Variants in LRBA observed in about 807,000 individuals in gnomAD.
LRBA encodes lipopolysaccharide-responsive and beige-like anchor protein.
A neutral mutation model predicts 330.0 loss-of-function variants in LRBA; 176 were observed. The observed-to-expected ratio is 0.53, with a 90% confidence interval of 0.47 to 0.60. The LOEUF (loss-of-function observed/expected upper bound fraction) is 0.60, where lower values mean the gene tolerates loss of function less well. LRBA is among the 20% of genes least tolerant of loss of function. LRBA has a pLI of 0.00. For synonymous variants in LRBA, 1,230 were observed against 1,193.0 expected (o/e 1.03, Z -0.64); for missense variants, 3,259 against 3,444.8 (o/e 0.95, Z 1.35).
chr4:150,481,157 C>T (rs1757253945), intron 42 of LRBA, among the ~76,000 whole-genome samples: 1 of 152,144 alleles, frequency 6.6e-6, no homozygotes, highest in Admixed American at 6.6e-5. Context: ...CATGCTGCCA[C>T]CAATGACAAG....
At position 150,289,138 on chromosome 4, in the gene LRBA, C is replaced by T. The variant is rs563746934; in HGVS notation, c.8018-3104G>A. Reference sequence around the variant, plus strand: ...ACAAAGTTAAGAGTTTAGGAAGCCTCGTGATTAACTCCAGAAGGTGGGTTA... The same window carrying T: ...ACAAAGTTAAGAGTTTAGGAAGCCTTGTGATTAACTCCAGAAGGTGGGTTA... On this transcript the variant is annotated intron_variant, in intron 53 of 56. Coordinates refer to ENST00000651943, the MANE Select transcript of LRBA (RefSeq NM_001364905.1). 3.9e-5 allele frequency among the ~76,000 whole-genome samples: 6 copies of T among 152,166 alleles called. No individual in the cohort carries two copies. The East Asian group carries it at 5.8e-4, about 15-fold the overall frequency.
chr4:150,437,150 C>A (rs1269242675), intron 44 of LRBA, among the ~76,000 whole-genome samples: 1 of 152,002 alleles, frequency 6.6e-6, no homozygotes, highest in Non-Finnish European at 1.5e-5. Context: ...CAGATAAAGA[C>A]AATTACATGA....
At chr4:150,939,946 C>G (rs898939817) in intron 2 of LRBA, among the ~76,000 whole-genome samples, 1 of 152,104 alleles carries the variant, frequency 6.6e-6, no homozygotes, top group African/African-American at 2.4e-5. Context: ...AGGTAACACA[C>G]TGAACTTATA....
At chr4:150,601,147 T>C (rs1209669581) in intron 37 of LRBA, among the ~76,000 whole-genome samples, 1 of 152,210 alleles carries the variant, frequency 6.6e-6, no homozygotes, top group African/African-American at 2.4e-5. Flanking sequence ...TTTTCTGCCA[T>C]CTATCCTTCT....
chr4:150,790,395 T>G (rs970303064), intron 34 of LRBA, among the ~76,000 whole-genome samples: 3 of 152,178 alleles, frequency 2.0e-5, no homozygotes, highest in African/African-American at 7.2e-5. Context: ...TAAATCAATA[T>G]TATGGAAACT....
chr4:150,976,287 C>A (rs1740167656), intron 2 of LRBA, among the ~76,000 whole-genome samples: 1 of 151,866 alleles, frequency 6.6e-6, no homozygotes. Context: ...TCTAATATAG[C>A]CTCACCATAA....
intron 36 of LRBA, among the ~76,000 whole-genome samples, chr4:150,686,136 A>G (rs958131061): frequency 6.6e-5 from 10 of 152,212 alleles, no homozygotes; most frequent in Non-Finnish European, 1.5e-4. Flanking sequence ...CTCATCTGCA[A>G]AATTAGCAGG....
At position 150,777,722 on chromosome 4, in the gene LRBA, G is replaced by A. The variant is rs528520087; in HGVS notation, c.5581-15875C>T. Among the ~76,000 whole-genome samples, 6 of 152,104 alleles carry A rather than the reference G, an allele frequency of 3.9e-5. No homozygotes were observed. In the South Asian group the frequency reaches 1.2e-3, roughly 32 times the overall value. ...TGGCCAGGTGCAGTGGCTCCCATCT[G>A]TAATCCCAGCACTCTGGGAGGCCAA... On this transcript the variant is annotated intron_variant, in intron 34 of 56. Transcript: ENST00000651943.
At chr4:150,504,324 T>C (rs1290265037) in intron 40 of LRBA, among the ~76,000 whole-genome samples, 1 of 151,942 alleles carries the variant, frequency 6.6e-6, no homozygotes, top group African/African-American at 2.4e-5. Context: ...AGGAAAAAAA[T>C]GTTAAATGCA....
At chr4:150,969,530 C>G (rs1200016851) in intron 2 of LRBA, among the ~76,000 whole-genome samples, 2 of 152,152 alleles carry the variant, frequency 1.3e-5, no homozygotes, top group African/African-American at 2.4e-5. Context: ...TGCAGTGGTG[C>G]AATCACAACT....
intron 35 of LRBA, among the ~76,000 whole-genome samples, chr4:150,736,494 C>G (rs1442544464): frequency 6.6e-6 from 1 of 151,574 alleles, no homozygotes; most frequent in African/African-American, 2.4e-5. Context: ...GGTTATTAAG[C>G]TCAGCCAAAA....
chr4:150,932,283 A>G (rs1379135083), intron 2 of LRBA, among the ~76,000 whole-genome samples: 2 of 151,892 alleles, frequency 1.3e-5, no homozygotes, highest in Non-Finnish European at 2.9e-5. Context: ...TTTGCAACCC[A>G]TATCATTACA....
chr4:150,423,282 G>A lies in LRBA; in HGVS notation c.7042-7692C>T, dbSNP rs1286402506. On this transcript the variant is annotated intron_variant, in intron 46 of 56. Coordinates refer to ENST00000651943, the MANE Select transcript of LRBA (RefSeq NM_001364905.1). ...GCCTCCCAGCATCTCCTGTAGGGGT[G>A]TCTCCCTTCAAACATTCCTAATCAT... 12 of 880,660 alleles carry A rather than the reference G, an allele frequency of 1.4e-5. No homozygotes were observed. In the South Asian group the frequency reaches 1.6e-4, roughly 12 times the overall value. The allele number at this position is 880,660 out of a possible 1,614,324, so 54.6% of individuals were successfully genotyped here.
chr4:150,363,411 CATA>C, intron 47 of LRBA, among the ~76,000 whole-genome samples: 1 of 152,248 alleles, frequency 6.6e-6, no homozygotes, highest in Non-Finnish European at 1.5e-5. Context: ...TCTCTCTACA[CATA>C]ATGTTAAATG....
chr4:150,785,344 G>A (rs557099137), intron 34 of LRBA, among the ~76,000 whole-genome samples: 7 of 152,160 alleles, frequency 4.6e-5, no homozygotes, highest in African/African-American at 9.7e-5. Flanking sequence ...TGTTATTTTC[G>A]AGAGTATTTG....
chr4:150,425,859 T>A (rs564245892), intron 46 of LRBA, among the ~76,000 whole-genome samples: 20 of 152,216 alleles, frequency 1.3e-4, no homozygotes, highest in African/African-American at 4.3e-4. Context: ...AGAAGCATGA[T>A]AAATTAGAAG....
At chr4:150,520,856 AC>A (rs1378892245) in intron 40 of LRBA, among the ~76,000 whole-genome samples, 2 of 152,178 alleles carry the variant, frequency 1.3e-5, no homozygotes, top group East Asian at 1.9e-4. Context: ...ATAATAGTAT[AC>A]CTATTGTATA....
intron 17 of LRBA, among the ~76,000 whole-genome samples, chr4:150,874,344 C>A (rs1011989920): frequency 1.3e-5 from 2 of 152,052 alleles, no homozygotes; most frequent in Admixed American, 6.6e-5. Context: ...GGAAAAGTTG[C>A]AGGGACCAAC....
chr4:150,508,143 G>A lies in LRBA; in HGVS notation c.6331-17108C>T, dbSNP rs1217251364. On this transcript the variant is annotated intron_variant, in intron 40 of 56. Coordinates refer to ENST00000651943, the MANE Select transcript of LRBA (RefSeq NM_001364905.1). ...CTAATGCTAAATGACGAGTTAATGG[G>A]TACAGCACACCAACATGGCACATGT... is the stretch of plus-strand genomic sequence containing the variant. Among the ~76,000 whole-genome samples the A allele has an allele frequency of 2.1e-5, 3 of 143,488 alleles. No homozygotes were observed. The East Asian group carries it at 6.3e-4, about 30-fold the overall frequency. The allele number at this position is 143,488 out of a possible 152,430, so 94.1% of individuals were successfully genotyped here.
Sources: allele counts gnomAD v4.1 joint callset (sites outside exome capture counted in the v4.1 genomes callset), GRCh38; gene constraint gnomAD v4.1.1; transcripts MANE v1.5; gene names NCBI Gene and HGNC (gene_info 2026-07-23, HGNC 2026-07-21).